NPR3: variants seen among roughly 807,000 people sequenced by gnomAD.
NPR3 encodes atrial natriuretic peptide receptor 3.
NPR3 carries 34 observed loss-of-function variants against 54.5 expected under a neutral mutation model. The ratio of observed to expected loss-of-function variants is 0.62; its 90% CI spans 0.47 to 0.83. The LOEUF (loss-of-function observed/expected upper bound fraction) is 0.83, where lower values mean the gene tolerates loss of function less well. Among genes scored for constraint, NPR3 ranks in the 40% least tolerant of loss-of-function variants. NPR3 has a pLI of 0.00. For missense variants in NPR3, 674 were observed against 720.8 expected (o/e 0.94, Z 0.74); for synonymous variants, 289 against 297.1 (o/e 0.97, Z 0.28).
chr5:32,709,863 G>T (rs1275374520), upstream of NPR3: 1 of 152,104 alleles, frequency 6.6e-6, no homozygotes. Context: ...GCAGCGTCTG[G>T]GACTGCGGCA....
At chr5:32,781,234 T>C (rs1742323236) in intron 5 of NPR3, among the ~76,000 whole-genome samples, 1 of 152,112 alleles carries the variant, frequency 6.6e-6, no homozygotes, top group Non-Finnish European at 1.5e-5. Flanking sequence ...GACACAAAGA[T>C]GAGTCTTCCG....
chr5:32,774,719 T>C lies in NPR3; in HGVS notation c.1071T>C (p.Phe357=). The C allele has an allele frequency of 6.2e-7, 1 of 1,612,068 alleles. No homozygotes were observed. The highest frequency in any genetic ancestry group is 8.5e-7 in the Non-Finnish European group (1 of 1,178,112). Residue 357 remains phenylalanine (F), a synonymous_variant, in exon 4 of 8, where the codon TTT becomes TTC. Transcript: ENST00000265074. ...GLNMEDYVNM[F]VEGFHDAILL... is the part of the protein sequence containing the mutation. ...GGTTTTCTTTTCAGGTTAACATGTT[T>C]GTTGAAGGATTCCACGATGCCATCC... is the stretch of plus-strand genomic sequence containing the variant.
intron 3 of NPR3, among the ~76,000 whole-genome samples, chr5:32,745,459 C>T (rs1234065253): frequency 6.6e-6 from 1 of 152,200 alleles, no homozygotes; most frequent in Non-Finnish European, 1.5e-5. Context: ...GTTCCAATTC[C>T]AGAGCACTGG....
At position 32,786,392 on chromosome 5, in the gene NPR3, G is replaced by T. The variant is rs1159720422; in HGVS notation, c.*47G>T. On this transcript the variant is annotated 3_prime_UTR_variant, in exon 8 of 8. Transcript: ENST00000265074. Reference sequence around the variant, plus strand: ...TTTTCTGCCTGAGATTCTTTAAGGAGATAGACGGGTTGAAAGACATCAATG... The same window carrying T: ...TTTTCTGCCTGAGATTCTTTAAGGATATAGACGGGTTGAAAGACATCAATG... 1.3e-6 allele frequency: 1 copy of T among 760,032 alleles called. No homozygotes were observed. The highest frequency in any genetic ancestry group is 2.3e-6 in the Non-Finnish European group (1 of 433,194). The allele number at this position is 760,032 out of a possible 1,614,324, so 47.1% of individuals were successfully genotyped here.
intron 1 of NPR3, among the ~76,000 whole-genome samples, chr5:32,695,786 CCTT>C (rs1740517133): frequency 6.6e-6 from 1 of 152,166 alleles, no homozygotes; most frequent in Non-Finnish European, 1.5e-5. Flanking sequence ...ATGTTGAGCA[CCTT>C]TTCACATACT....
intron 3 of NPR3, among the ~76,000 whole-genome samples, chr5:32,770,119 A>G (rs1741676954): frequency 6.6e-6 from 1 of 152,226 alleles, no homozygotes. Flanking sequence ...GGCCAGCTGC[A>G]AAGGACAGAA....
intron 4 of NPR3, among the ~76,000 whole-genome samples, chr5:32,779,309 A>G (rs184987616): frequency 6.6e-6 from 1 of 152,354 alleles, no homozygotes; most frequent in Non-Finnish European, 1.5e-5. Context: ...AAAAGGGAAT[A>G]GCTTTAGTTA....
chr5:32,743,392 A>ATGTGTGTG (rs144093983), intron 3 of NPR3, among the ~76,000 whole-genome samples: 6 of 151,198 alleles, frequency 4.0e-5, no homozygotes, highest in African/African-American at 7.3e-5. Context: ...TACTCTTTGT[A>ATGTGTGTG]TGTGTGTGTG....
At chr5:32,730,045 C>T (rs572205891) in intron 2 of NPR3, among the ~76,000 whole-genome samples, 1 of 152,140 alleles carries the variant, frequency 6.6e-6, no homozygotes, top group Non-Finnish European at 1.5e-5. Flanking sequence ...ATCTCCTCCA[C>T]TATGTGATAG....
At chr5:32,747,076 A>G (rs1740341175) in intron 3 of NPR3, among the ~76,000 whole-genome samples, 1 of 152,232 alleles carries the variant, frequency 6.6e-6, no homozygotes, top group African/African-American at 2.4e-5. Flanking sequence ...AGAGTTATAG[A>G]TAAACATGAA....
intron 3 of NPR3, among the ~76,000 whole-genome samples, chr5:32,761,914 G>T (rs1054050401): frequency 6.6e-6 from 1 of 151,920 alleles, no homozygotes; most frequent in Admixed American, 6.6e-5. Flanking sequence ...TCTACATTAG[G>T]TATTTCTCCT....
chr5:32,722,536 A>C (rs963998256), intron 1 of NPR3, among the ~76,000 whole-genome samples: 2 of 152,182 alleles, frequency 1.3e-5, no homozygotes, highest in African/African-American at 4.8e-5. Flanking sequence ...CTATATGTTG[A>C]CAGAATCAGG....
intron 3 of NPR3, among the ~76,000 whole-genome samples, chr5:32,755,085 C>G (rs1740766888): frequency 1.3e-5 from 2 of 152,224 alleles, no homozygotes; most frequent in South Asian, 4.1e-4. Flanking sequence ...TGTTCTCGAT[C>G]TCCTGACCTC....
chr5:32,782,787 C>A, intron 5 of NPR3, 106 bp from the exon 6 acceptor site: 1 of 1,103,420 alleles, frequency 9.1e-7, no homozygotes, highest in Non-Finnish European at 1.3e-6. Context: ...CAGAGGCAGC[C>A]AGTTTAGATC....
At chr5:32,758,167 A>G (rs1328859698) in intron 3 of NPR3, among the ~76,000 whole-genome samples, 1 of 152,212 alleles carries the variant, frequency 6.6e-6, no homozygotes. Flanking sequence ...GAATAGTTTC[A>G]GAAGGAATGG....
At chr5:32,783,837 G>T in intron 6 of NPR3, among the ~76,000 whole-genome samples, 1 of 152,140 alleles carries the variant, frequency 6.6e-6, no homozygotes, top group East Asian at 1.9e-4. Flanking sequence ...TTTCCAATGT[G>T]TGAAGAGAAA....
chr5:32,715,677 T>C (rs1738511146), intron 1 of NPR3, among the ~76,000 whole-genome samples: 1 of 152,208 alleles, frequency 6.6e-6, no homozygotes, highest in African/African-American at 2.4e-5. Context: ...TCCACACACT[T>C]AACAATAAAT....
chr5:32,749,273 G>C (rs891697601), intron 3 of NPR3, among the ~76,000 whole-genome samples: 2 of 151,804 alleles, frequency 1.3e-5, no homozygotes, highest in Non-Finnish European at 2.9e-5. Context: ...GTTGAGATAA[G>C]GTTTTTTCCT....
At chr5:32,755,234 A>G (rs900198312) in intron 3 of NPR3, among the ~76,000 whole-genome samples, 6 of 152,178 alleles carry the variant, frequency 3.9e-5, no homozygotes, top group Non-Finnish European at 8.8e-5. Context: ...GTTGCCACAC[A>G]TATTATATTC....
Sources: gnomAD v4.1 joint callset for allele counts (sites outside exome capture counted in the v4.1 genomes callset) on GRCh38, gnomAD v4.1.1 for gene constraint, MANE v1.5 for transcripts, NCBI Gene and HGNC (gene_info 2026-07-23, HGNC 2026-07-21) for gene names.